The following MECOM variants were observed in gnomAD, a reference collection of about 807,000 sequenced individuals.
MECOM encodes the protein MDS1 and EVI1 complex locus.
MECOM carries 13 observed loss-of-function variants against 116.3 expected under a neutral mutation model. That is an observed-to-expected ratio of 0.11 (90% CI 0.07 to 0.18). The LOEUF (loss-of-function observed/expected upper bound fraction) is 0.18. MECOM is among the 10% of genes least tolerant of loss of function. The probability of loss-of-function intolerance (pLI) is 1.00; values close to 1 mark genes in which losing one functional copy is unlikely to be tolerated. For missense variants in MECOM, 1,299 were observed against 1,509.0 expected (o/e 0.86, Z 2.31); for synonymous variants, 528 against 535.2 (o/e 0.99, Z 0.19).
intron 2 of MECOM, among the ~76,000 whole-genome samples, chr3:169,257,960 C>A (rs758639486): frequency 6.6e-6 from 1 of 152,188 alleles, no homozygotes; most frequent in Non-Finnish European, 1.5e-5. Context: ...GCGGCGCATG[C>A]CCGCAATATC....
chr3:169,176,771 G>GA (rs1406718094), intron 2 of MECOM, among the ~76,000 whole-genome samples: 5 of 151,664 alleles, frequency 3.3e-5, no homozygotes, highest in Admixed American at 6.6e-5. Context: ...AAATTTACAA[G>GA]AAAAAAACAA....
chr3:169,522,985 A>G (rs572227305), intron 1 of MECOM, among the ~76,000 whole-genome samples: 7 of 152,334 alleles, frequency 4.6e-5, no homozygotes, highest in African/African-American at 1.7e-4. Flanking sequence ...GACTTCCCCA[A>G]CATAACAGAT....
chr3:169,609,491 A>G (rs1768992736), intron 1 of MECOM, among the ~76,000 whole-genome samples: 1 of 151,814 alleles, frequency 6.6e-6, no homozygotes. Flanking sequence ...TGAGGAAAAC[A>G]TAGCCCAATT....
intron 1 of MECOM, among the ~76,000 whole-genome samples, chr3:169,471,363 GA>G (rs34583012): frequency 0.43 from 62,567 of 145,858 alleles, 13,417 homozygotes; most frequent in Middle Eastern, 0.5. Flanking sequence ...TTTACCTCAG[GA>G]AAAAAAAAAA....
chr3:169,098,270 A>T (rs1722382992), intron 12 of MECOM, among the ~76,000 whole-genome samples: 1 of 152,202 alleles, frequency 6.6e-6, no homozygotes, highest in Admixed American at 6.5e-5. Context: ...ATGATCCCAC[A>T]TTGCATTTAG....
At chr3:169,150,470 C>T (rs527279047) in intron 2 of MECOM, among the ~76,000 whole-genome samples, 2 of 152,194 alleles carry the variant, frequency 1.3e-5, no homozygotes, top group Non-Finnish European at 2.9e-5. Context: ...CAGTAACATG[C>T]GTGTTCTGCA....
chr3:169,084,661 T>G lies in MECOM; in HGVS notation c.*248A>C. ...GTTTTTTGTTTTCACTGAATCACTTTAAGTCGCATTGATTGATCTTCCAGA... is the reference window on the plus strand; with the variant it reads ...GTTTTTTGTTTTCACTGAATCACTTGAAGTCGCATTGATTGATCTTCCAGA... On this transcript the variant is annotated 3_prime_UTR_variant, in exon 17 of 17. Coordinates refer to ENST00000651503, the MANE Select transcript of MECOM (RefSeq NM_004991.4). 1 of 423,018 alleles carries G rather than the reference T, an allele frequency of 2.4e-6. No homozygotes were observed. Among genetic ancestry groups the G allele is most frequent in the Non-Finnish European group, 4.2e-6 (1 of 238,416 alleles). The allele number at this position is 423,018 out of a possible 1,614,324, so 26.2% of individuals were successfully genotyped here.
chr3:169,574,401 A>G (rs1764253599), intron 1 of MECOM, among the ~76,000 whole-genome samples: 1 of 152,194 alleles, frequency 6.6e-6, no homozygotes, highest in African/African-American at 2.4e-5. Context: ...TCCCTTTCAC[A>G]GAACTCATAT....
intron 1 of MECOM, among the ~76,000 whole-genome samples, chr3:169,500,694 T>C (rs1250590039): frequency 6.6e-6 from 1 of 152,020 alleles, no homozygotes; most frequent in East Asian, 1.9e-4. Context: ...TAAGCAATTA[T>C]ATAAATTTAA....
intron 2 of MECOM, among the ~76,000 whole-genome samples, chr3:169,310,159 A>G (rs1718480196): frequency 6.6e-6 from 1 of 152,234 alleles, no homozygotes; most frequent in South Asian, 2.1e-4. Context: ...GTGTCTTTAT[A>G]AGATTAAAGA....
intron 1 of MECOM, among the ~76,000 whole-genome samples, chr3:169,467,611 A>G (rs34585560): frequency 0.55 from 82,918 of 151,976 alleles, 23,131 homozygotes; most frequent in Middle Eastern, 0.62. Context: ...TGATTTAGAA[A>G]TTAATCCTTC....
intron 1 of MECOM, among the ~76,000 whole-genome samples, chr3:169,401,721 A>G (rs1735936899): frequency 6.6e-6 from 1 of 152,162 alleles, no homozygotes; most frequent in African/African-American, 2.4e-5. Flanking sequence ...GGAAAAAAAG[A>G]CCCTACTAGA....
intron 4 of MECOM, among the ~76,000 whole-genome samples, chr3:169,128,566 T>C (rs980138089): frequency 4.6e-5 from 7 of 152,228 alleles, no homozygotes; most frequent in African/African-American, 1.4e-4. Flanking sequence ...GCCAGTGCCA[T>C]ATTATCTGGA....
chr3:169,342,770 C>T (rs1008126965), intron 2 of MECOM, among the ~76,000 whole-genome samples: 3 of 152,082 alleles, frequency 2.0e-5, no homozygotes, highest in South Asian at 2.1e-4. Context: ...CTAAAAGTCT[C>T]GAGTAAACGG....
At chr3:169,442,690 G>A (rs932272435) in intron 1 of MECOM, among the ~76,000 whole-genome samples, 28 of 152,156 alleles carry the variant, frequency 1.8e-4, no homozygotes, top group African/African-American at 6.3e-4. Flanking sequence ...AATAAGAAGA[G>A]TTTTCTAAAA....
chr3:169,176,700 A>G (rs1331980107), intron 2 of MECOM, among the ~76,000 whole-genome samples: 1 of 152,110 alleles, frequency 6.6e-6, no homozygotes, highest in African/African-American at 2.4e-5. Flanking sequence ...ATGGTGGAAA[A>G]TTTTTGCAAT....
At chr3:169,541,098 G>A (rs1168300756) in intron 1 of MECOM, among the ~76,000 whole-genome samples, 3 of 152,168 alleles carry the variant, frequency 2.0e-5, no homozygotes, top group Non-Finnish European at 1.5e-5. Context: ...TCCACAAACT[G>A]TAATGTGCAT....
At chr3:169,410,282 G>A (rs2108447417) in intron 1 of MECOM, among the ~76,000 whole-genome samples, 1 of 152,312 alleles carries the variant, frequency 6.6e-6, no homozygotes, top group Non-Finnish European at 1.5e-5. Context: ...AGAACTTTGT[G>A]GAGAAAAGAC....
intron 2 of MECOM, among the ~76,000 whole-genome samples, chr3:169,335,101 T>A (rs1453792782): frequency 6.6e-6 from 1 of 152,170 alleles, no homozygotes; most frequent in East Asian, 1.9e-4. Flanking sequence ...TTCCTATGCT[T>A]AGGTGGCTAT....
Sources: gnomAD v4.1 joint callset for allele counts (sites outside exome capture counted in the v4.1 genomes callset) on GRCh38, gnomAD v4.1.1 for gene constraint, MANE v1.5 for transcripts, NCBI Gene and HGNC (gene_info 2026-07-23, HGNC 2026-07-21) for gene names.